ALG9: variants seen among roughly 807,000 people sequenced by gnomAD.
ALG9 encodes ALG9 alpha-1,2-mannosyltransferase, also known as alpha-1,2-mannosyltransferase ALG9.
In ALG9, 55 loss-of-function variants were observed where a neutral mutation model predicts 81.8. That is an observed-to-expected ratio of 0.67 (90% CI 0.54 to 0.84). The LOEUF (loss-of-function observed/expected upper bound fraction) is 0.84. Among genes scored for constraint, ALG9 ranks in the 40% least tolerant of loss-of-function variants. ALG9 has a pLI of 0.00. For missense variants in ALG9, 629 were observed against 745.0 expected (o/e 0.84, Z 1.81); for synonymous variants, 278 against 274.3 (o/e 1.01, Z -0.13).
Position 111,844,669 on chromosome 11 carries a change from G to A in ALG9, c.950C>T (p.Ala317Val). 6.2e-7 allele frequency: 1 copy of A among 1,613,960 alleles called. No homozygotes were observed. ...LINGFLNFNV[A>V]FALALLVLPL... ...TAGGACTAGGAGAGCCAAAGCAAAG[G>A]CTACATTGAAATTCAGAAATCCATT... The change falls in exon 9 of 15, where the codon GCC becomes GTC. Residue 317 changes from alanine (A) to valine (V), a missense_variant. Coordinates refer to ENST00000616540, the MANE Select transcript of ALG9 (RefSeq NM_024740.2).
chr11:111,862,234 T>C (rs1392353370), intron 4 of ALG9, among the ~76,000 whole-genome samples: 5 of 151,144 alleles, frequency 3.3e-5, no homozygotes, highest in Admixed American at 2.6e-4. Flanking sequence ...ATGTTTCTTT[T>C]TTTTCTTTTT....
chr11:111,853,648 C>T lies in ALG9; in HGVS notation c.789+1G>A, dbSNP rs376900515. 1.2e-6 allele frequency: 2 copies of T among 1,613,588 alleles called. No individual in the cohort carries two copies. Among genetic ancestry groups the T allele is most frequent in the African/African-American group, 2.7e-5 (2 of 74,868 alleles). On this transcript the variant is annotated splice_donor_variant, in intron 7 of 14. Transcript: ENST00000616540. LOFTEE classifies it high-confidence loss of function. ...CAAAGCAAGTAAAAAAGAAAACTCA[C>T]CAGAAATAGTATGAGGGCCATCAGC... is the stretch of plus-strand genomic sequence containing the variant.
At position 111,865,230 on chromosome 11, in the gene ALG9, G is replaced by T; in HGVS notation, c.427C>A (p.Arg143=). 1.3e-6 allele frequency: 2 copies of T among 1,551,714 alleles called. No individual in the cohort carries two copies. The highest frequency in any genetic ancestry group is 1.7e-6 in the Non-Finnish European group (2 of 1,147,202). ...TNKILVFYFL[R]CLLAFVSCIC... is the part of the protein sequence containing the mutation. Reference sequence around the variant, plus strand: ...CAGCTCACAAAAGCCAGAAGACATCGCAAAAAGTAAAACACAAGAATCTAA... The same window carrying T: ...CAGCTCACAAAAGCCAGAAGACATCTCAAAAAGTAAAACACAAGAATCTAA... Residue 143 remains arginine (R), a synonymous_variant, in exon 4 of 15, where the codon CGA becomes AGA. Coordinates refer to ENST00000616540, the MANE Select transcript of ALG9 (RefSeq NM_024740.2).
chr11:111,796,469 G>T (rs769971472), intron 14 of ALG9, among the ~76,000 whole-genome samples: 19 of 152,154 alleles, frequency 1.2e-4, no homozygotes, highest in Non-Finnish European at 2.4e-4. Flanking sequence ...TCTTTCTAGA[G>T]AACTCATTTC....
rs60312459 is a variant in ALG9, at chr11:111,870,382, C to CAAAAAAAA, written c.132-20_132-13dup. The CAAAAAAAA allele has an allele frequency of 8.4e-5, 82 of 973,876 alleles. No homozygotes were observed. Among genetic ancestry groups the CAAAAAAAA allele is most frequent in the Middle Eastern group, 8.2e-4 (2 of 2,436 alleles). The allele number at this position is 973,876 out of a possible 1,614,324, so 60.3% of individuals were successfully genotyped here. A position where few individuals can be genotyped will look rare whatever the true frequency, so the allele number is the denominator to read the frequency against. On this transcript the variant is annotated splice_polypyrimidine_tract_variant and intron_variant, in intron 1 of 14. Coordinates refer to ENST00000616540, the MANE Select transcript of ALG9 (RefSeq NM_024740.2). Reference sequence around the variant, plus strand: ...TGTTCCCAGATAACCTGTTCAAAAGCAAAAAAAAAAAAAAAAAAAAAAGCA... The same window carrying CAAAAAAAA: ...TGTTCCCAGATAACCTGTTCAAAAGCAAAAAAAAAAAAAAAAAAAAAAAAAAAAAAGCA...
intron 14 of ALG9, among the ~76,000 whole-genome samples, chr11:111,805,935 C>T (rs910975074): frequency 9.9e-5 from 15 of 152,144 alleles, no homozygotes; most frequent in African/African-American, 2.7e-4. Flanking sequence ...TGGCTCACTG[C>T]GACTTCCGCC....
At position 111,853,080 on chromosome 11, in the gene ALG9, TA is replaced by T. The variant is rs200952010; in HGVS notation, c.895+299del. ...AGAAGAGAAAAAAGTAACTTTTAAT[TA>T]AAAAAAAAAAAAGCATCAAAAGCCA... On this transcript the variant is annotated intron_variant, in intron 8 of 14. Coordinates refer to ENST00000616540, the MANE Select transcript of ALG9 (RefSeq NM_024740.2). Among the ~76,000 whole-genome samples the T allele has an allele frequency of 0.39, 54,588 of 140,218 alleles. 10,216 individuals carry two copies. Among genetic ancestry groups the T allele is most frequent in the East Asian group, 0.59 (2,946 of 4,974 alleles). The allele number at this position is 140,218 out of a possible 152,430, so 92.0% of individuals were successfully genotyped here.
chr11:111,858,157 G>C (rs565434316), intron 5 of ALG9, among the ~76,000 whole-genome samples: 42 of 152,120 alleles, frequency 2.8e-4, no homozygotes, highest in Non-Finnish European at 5.0e-4. Flanking sequence ...GGCTGGTCTC[G>C]AGCTCTTGAC....
intron 8 of ALG9, among the ~76,000 whole-genome samples, chr11:111,845,827 G>C (rs1245621013): frequency 9.2e-5 from 14 of 152,294 alleles, no homozygotes; most frequent in Admixed American, 9.2e-4. Context: ...CTTGCAGCTT[G>C]CACAGCAAAA....
chr11:111,846,868 T>G (rs1193808896), intron 8 of ALG9, among the ~76,000 whole-genome samples: 1 of 152,206 alleles, frequency 6.6e-6, no homozygotes, highest in Non-Finnish European at 1.5e-5. Flanking sequence ...CAAAAAACCA[T>G]GTCAGAATGA....
At chr11:111,844,874 TACACAAAAGAAGCA>T (rs1956736979) in intron 8 of ALG9, 151 bp from the exon 9 acceptor site, 1 of 864,668 alleles carries the variant, frequency 1.2e-6, no homozygotes, top group African/African-American at 1.7e-5. Flanking sequence ...CATGCTAAGC[TACACAAAAGAAGCA>T]CAAGAGCGAG....
rs139267470 is a variant in ALG9 at position 111,798,863 on chromosome 11, T to C, written c.1733+10780A>G. Among the ~76,000 whole-genome samples the C allele has an allele frequency of 2.7e-3, 415 of 152,310 alleles. 7 individuals are homozygous for C. The highest frequency in any genetic ancestry group is 0.014 in the Middle Eastern group (4 of 294). The stretch of plus-strand genomic sequence containing the variant: ...TCAAACTAATGGGGTCTGGGGTTTG[T>C]AGGCCTCTAATAAGGCAAAGAAGCA... On this transcript the variant is annotated intron_variant, in intron 14 of 14. Coordinates refer to ENST00000616540, the MANE Select transcript of ALG9 (RefSeq NM_024740.2).
chr11:111,868,677 G>A lies in ALG9; in HGVS notation c.330C>T (p.Ala110=), dbSNP rs1403537336. ...GCAACAGGTAAGCATAGGAGCGAAT[G>A]GCATATGCTGGGGAATATTCCCAAG... ...FQTWEYSPAY[A]IRSYAYLLLH... The change falls in exon 3 of 15, where the codon GCC becomes GCT. Residue 110 remains alanine (A), a synonymous_variant. Transcript: ENST00000616540. The A allele has an allele frequency of 2.5e-6, 4 of 1,613,584 alleles. No individual in the cohort carries two copies. The highest frequency in any genetic ancestry group is 3.4e-6 in the Non-Finnish European group (4 of 1,179,648).
chr11:111,860,745 CA>C, intron 4 of ALG9, 110 bp from the exon 5 acceptor site: 1 of 785,624 alleles, frequency 1.3e-6, no homozygotes, highest in Middle Eastern at 2.4e-4. Flanking sequence ...AAGTCAAACA[CA>C]AAACTACCTT....
the ALG9 span, among the ~76,000 whole-genome samples, chr11:111,776,995 G>T: frequency 1.3e-5 from 2 of 152,198 alleles, no homozygotes; most frequent in African/African-American, 4.8e-5. Flanking sequence ...CTTGGACTTT[G>T]AAAAATCTTT....
chr11:111,810,972 G>T (rs1387242609), intron 13 of ALG9, among the ~76,000 whole-genome samples: 7 of 152,074 alleles, frequency 4.6e-5, no homozygotes, highest in Non-Finnish European at 8.8e-5. Flanking sequence ...AGTCAGTAGG[G>T]TAAGACTAGA....
intron 9 of ALG9, among the ~76,000 whole-genome samples, chr11:111,842,735 A>G (rs1956413237): frequency 2.6e-5 from 4 of 151,926 alleles, no homozygotes. Flanking sequence ...TTTTTCTCTT[A>G]AAAAAGTATT....
At chr11:111,806,291 G>T (rs991744700) in intron 14 of ALG9, among the ~76,000 whole-genome samples, 2 of 151,958 alleles carry the variant, frequency 1.3e-5, no homozygotes, top group Non-Finnish European at 2.9e-5. Flanking sequence ...GTCCATATTT[G>T]CTACACCAAT....
rs962285295 is a variant in ALG9 at position 111,816,434 on chromosome 11, A to T, written c.1603-6661T>A. On this transcript the variant is annotated intron_variant, in intron 13 of 14. Transcript: ENST00000616540. ...GTTAATTTATTTTTATTTTTTGTAGAGACGGGGGTCTTGCTATGCTGCCTA... is the reference window on the plus strand; with the variant it reads ...GTTAATTTATTTTTATTTTTTGTAGTGACGGGGGTCTTGCTATGCTGCCTA... 2.0e-5 allele frequency among the ~76,000 whole-genome samples: 3 copies of T among 152,092 alleles called. No individual in the cohort carries two copies. The East Asian group carries it at 5.8e-4, about 29-fold the overall frequency.
Sources: allele counts gnomAD v4.1 joint callset (sites outside exome capture counted in the v4.1 genomes callset), GRCh38; gene constraint gnomAD v4.1.1; transcripts MANE v1.5; gene names NCBI Gene and HGNC (gene_info 2026-07-23, HGNC 2026-07-21).